Variants in CEP162 observed in about 807,000 individuals in gnomAD.
The protein encoded by CEP162 is centrosomal protein 162.
CEP162 carries 141 observed loss-of-function variants against 169.2 expected under a neutral mutation model. The ratio of observed to expected loss-of-function variants is 0.83; its 90% confidence interval spans 0.73 to 0.96. The LOEUF (loss-of-function observed/expected upper bound fraction) is 0.96, where lower values mean the gene tolerates loss of function less well. Among genes scored for constraint, CEP162 ranks in the 40% least tolerant of loss-of-function variants. CEP162 has a pLI of 0.00. For missense variants in CEP162, 1,600 were observed against 1,587.2 expected (o/e 1.01, Z -0.14); for synonymous variants, 540 against 526.4 (o/e 1.03, Z -0.35).
At chr6:84,135,676 G>A (rs1157059659) in intron 25 of CEP162, among the ~76,000 whole-genome samples, 3 of 152,018 alleles carry the variant, frequency 2.0e-5, no homozygotes, top group Admixed American at 6.6e-5. Flanking sequence ...CAGCCTGGCC[G>A]ACATGGTGAA....
intron 2 of CEP162, 62 bp downstream of exon 2, chr6:84,226,275 A>G: frequency 9.3e-7 from 1 of 1,080,150 alleles, no homozygotes; most frequent in South Asian, 1.4e-5. Context: ...GAGATGACAG[A>G]ATTGAAGGAT....
In CEP162 at chr6:84,132,672, G is replaced by A. The variant is rs150735569; in HGVS notation, c.3871-6160C>T. Among the ~76,000 whole-genome samples the A allele has an allele frequency of 8.1e-4, 123 of 152,060 alleles. 1 individual carries two copies. The East Asian group carries it at 0.019, about 24-fold the overall frequency. On this transcript the variant is annotated intron_variant, in intron 25 of 26. Transcript: ENST00000403245. ...CTTGTGCATACATCACATAGTTCTC[G>A]TGCCATGGTTTTCAGCTCCATCAGG...
At chr6:84,212,634 G>GA (rs1298664096) in intron 6 of CEP162, among the ~76,000 whole-genome samples, 1 of 151,796 alleles carries the variant, frequency 6.6e-6, no homozygotes, top group East Asian at 1.9e-4. Context: ...AAGATGAAAA[G>GA]AAAACAAATG....
At chr6:84,226,513 G>T in intron 1 of CEP162, 61 bp from the exon 2 acceptor site, 1 of 733,468 alleles carries the variant, frequency 1.4e-6, no homozygotes, top group South Asian at 1.7e-5. Flanking sequence ...AACACGACCA[G>T]ACTTAAACTT....
intron 3 of CEP162, among the ~76,000 whole-genome samples, chr6:84,219,418 T>C (rs73750551): frequency 0.012 from 1,878 of 152,316 alleles, 43 homozygotes; most frequent in African/African-American, 0.043. Context: ...TCAGGTTACA[T>C]GTGAGTATTT....
intron 17 of CEP162, among the ~76,000 whole-genome samples, chr6:84,171,110 A>G (rs2099529943): frequency 6.6e-6 from 1 of 151,712 alleles, no homozygotes; most frequent in Non-Finnish European, 1.5e-5. Flanking sequence ...CCCCTACCTC[A>G]CCGTTCCTGC....
intron 22 of CEP162, among the ~76,000 whole-genome samples, chr6:84,154,358 G>GTCTA (rs775154991): frequency 0.014 from 2,130 of 149,764 alleles, 24 homozygotes; most frequent in South Asian, 0.019. Flanking sequence ...CTGTCTGTCT[G>GTCTA]TCTATCTATC....
At chr6:84,199,791 G>A (rs926068507) in intron 9 of CEP162, among the ~76,000 whole-genome samples, 4 of 152,030 alleles carry the variant, frequency 2.6e-5, no homozygotes, top group Admixed American at 6.6e-5. Flanking sequence ...CACATTGGAC[G>A]GCTGATGGTG....
chr6:84,195,177 G>A, intron 9 of CEP162, 102 bp from the exon 10 acceptor site: 11 of 988,324 alleles, frequency 1.1e-5, no homozygotes, highest in Non-Finnish European at 1.5e-5. Context: ...TATAAAAGTA[G>A]AGTTAAGTAC....
chr6:84,202,880 C>A (rs545920024), intron 7 of CEP162, among the ~76,000 whole-genome samples: 1 of 152,066 alleles, frequency 6.6e-6, no homozygotes, highest in East Asian at 1.9e-4. Flanking sequence ...TTCCTCAAAA[C>A]TGAGTGACAT....
intron 14 of CEP162, 33 bp downstream of exon 14, chr6:84,175,181 A>C: frequency 7.2e-7 from 1 of 1,382,966 alleles, no homozygotes; most frequent in Non-Finnish European, 9.7e-7. Flanking sequence ...TTTAGAACAT[A>C]AAACATTATG....
In CEP162 at chr6:84,204,052, A is replaced by T; in HGVS notation, c.616T>A (p.Leu206Met). The T allele has an allele frequency of 1.2e-6, 2 of 1,609,842 alleles. No homozygotes were observed. The highest frequency in any genetic ancestry group is 8.5e-7 in the Non-Finnish European group (1 of 1,178,242). The part of the protein sequence containing the change: ...DFEDEYVGAP[L>M]TTKDEEMPSK... ...GGCATCTCTTCATCTTTAGTAGTCA[A>T]CGGTGCACCAACATACTCATCTTCA... The change falls in exon 7 of 27, where the codon TTG becomes ATG. Residue 206 changes from leucine (L) to methionine (M), a missense_variant. Transcript: ENST00000403245.
Position 84,153,161 on chromosome 6 carries a change from G to T in CEP162, c.3013C>A (p.Leu1005Ile), listed in dbSNP as rs924913601. ...GCAAGTAGCTGCTCCTGCTGCTCTA[G>T]TCTTTGTTCATACTGAATCTGAAGG... The part of the protein sequence containing the change: ...QKMKIQYEQR[L>I]EQQEQLLACK... Residue 1005 changes from leucine (L) to isoleucine (I), a missense_variant, in exon 23 of 27, where the codon CTA becomes ATA. Transcript: ENST00000403245. The T allele has an allele frequency of 4.4e-6, 7 of 1,600,298 alleles. No homozygotes were observed. Among genetic ancestry groups the T allele is most frequent in the Non-Finnish European group, 6.0e-6 (7 of 1,175,890 alleles).
intron 6 of CEP162, among the ~76,000 whole-genome samples, chr6:84,210,204 A>C (rs1370837379): frequency 6.6e-6 from 1 of 152,202 alleles, no homozygotes; most frequent in Non-Finnish European, 1.5e-5. Context: ...TAACTTCAAA[A>C]ATGTTATTTT....
intron 6 of CEP162, among the ~76,000 whole-genome samples, chr6:84,211,555 T>C (rs1208382152): frequency 1.5e-5 from 2 of 133,492 alleles, no homozygotes; most frequent in Admixed American, 1.5e-4. Flanking sequence ...AAAAAAGAGA[T>C]TAATAGCAGA....
At chr6:84,186,925 G>C (rs1379118705) in intron 11 of CEP162, among the ~76,000 whole-genome samples, 1 of 152,064 alleles carries the variant, frequency 6.6e-6, no homozygotes, top group Admixed American at 6.6e-5. Flanking sequence ...TTTTGTAGAA[G>C]AAAAGTAAAA....
chr6:84,176,918 C>T (rs1171482001), intron 13 of CEP162, among the ~76,000 whole-genome samples: 3 of 151,154 alleles, frequency 2.0e-5, no homozygotes, highest in Non-Finnish European at 2.9e-5. Flanking sequence ...GACAGAGTCT[C>T]GCTCTGTTTC....
intron 12 of CEP162, among the ~76,000 whole-genome samples, chr6:84,186,081 T>G (rs2099537013): frequency 1.3e-5 from 2 of 152,128 alleles, no homozygotes; most frequent in African/African-American, 2.4e-5. Flanking sequence ...GACTATATTT[T>G]ATTCAAAAAA....
At chr6:84,128,539 C>T (rs1479276103) in intron 25 of CEP162, among the ~76,000 whole-genome samples, 1 of 152,018 alleles carries the variant, frequency 6.6e-6, no homozygotes, top group Non-Finnish European at 1.5e-5. Flanking sequence ...ATATGGTGGT[C>T]GGTAAGCCAC....
Sources: gnomAD v4.1 joint callset for allele counts (sites outside exome capture counted in the v4.1 genomes callset) on GRCh38, gnomAD v4.1.1 for gene constraint, MANE v1.5 for transcripts, NCBI Gene and HGNC (gene_info 2026-07-23, HGNC 2026-07-21) for gene names.